BDKRB2: variants seen among roughly 807,000 people sequenced by gnomAD.
BDKRB2 encodes bradykinin receptor B2, also known as B2 bradykinin receptor.
A neutral mutation model predicts 4.0 loss-of-function variants in BDKRB2; 6 were observed. The ratio of observed to expected loss-of-function variants is 1.49; its 90% CI spans 0.81 to 2.93. The LOEUF (loss-of-function observed/expected upper bound fraction) is 2.93. BDKRB2 is among the 30% of genes most tolerant of loss of function. The pLI is 0.00. For synonymous variants in BDKRB2, 225 were observed against 215.3 expected (o/e 1.05, Z -0.40); for missense variants, 478 against 520.1 (o/e 0.92, Z 0.79).
Position 96,237,190 on chromosome 14 carries a change from A to G in BDKRB2, c.74+9A>G, listed in dbSNP as rs1426582411. 5 of 1,609,798 alleles carry G rather than the reference A, an allele frequency of 3.1e-6. No individual in the cohort carries two copies. The highest frequency in any genetic ancestry group is 3.4e-6 in the Non-Finnish European group (4 of 1,176,136). On this transcript the variant is annotated intron_variant, in intron 2 of 2. Coordinates refer to ENST00000554311, the MANE Select transcript of BDKRB2 (RefSeq NM_001379692.1). ...ACCACGGCCTCTTTCAGGTGAGTCAAAGGGATTCCTCAGTTCACTAGTTAG... is the reference window on the plus strand; with the variant it reads ...ACCACGGCCTCTTTCAGGTGAGTCAGAGGGATTCCTCAGTTCACTAGTTAG...
intron 1 of BDKRB2, among the ~76,000 whole-genome samples, chr14:96,211,795 A>C (rs559463480): frequency 1.3e-5 from 2 of 152,326 alleles, no homozygotes; most frequent in South Asian, 4.1e-4. Flanking sequence ...TTCAGCTATA[A>C]ATAGTAGTAG....
intron 1 of BDKRB2, among the ~76,000 whole-genome samples, chr14:96,217,975 G>A (rs1288910087): frequency 6.6e-6 from 1 of 152,020 alleles, no homozygotes; most frequent in Non-Finnish European, 1.5e-5. Flanking sequence ...CCCCACTTAC[G>A]AGCCTGTGAG....
Position 96,243,962 on chromosome 14 carries a change from A to C in BDKRB2, c.*2458A>C. ...TGCCGCAATGGCCATGTGGGGATCC[A>C]CACCTGGTCTGAGGGGCAACTGAGT... On this transcript the variant is annotated 3_prime_UTR_variant, in exon 3 of 3. Transcript: ENST00000554311. The C allele has an allele frequency of 2.6e-6, 1 of 383,146 alleles. No homozygotes were observed. Among genetic ancestry groups the C allele is most frequent in the Admixed American group, 4.5e-5 (1 of 22,192 alleles). The allele number at this position is 383,146 out of a possible 1,614,324, so 23.7% of individuals were successfully genotyped here.
intron 1 of BDKRB2, among the ~76,000 whole-genome samples, chr14:96,210,376 G>A (rs191182963): frequency 2.3e-3 from 351 of 152,290 alleles, no homozygotes; most frequent in Non-Finnish European, 3.5e-3. Context: ...TGTCCTTGAA[G>A]TGGAGAAAGC....
chr14:96,213,947 T>G (rs1306257434), intron 1 of BDKRB2, among the ~76,000 whole-genome samples: 1 of 151,744 alleles, frequency 6.6e-6, no homozygotes, highest in Non-Finnish European at 1.5e-5. Context: ...GGTCGAGAGG[T>G]GGGAACTCCC....
Position 96,240,913 on chromosome 14 carries a change from C to A in BDKRB2, c.585C>A (p.Phe195Leu), listed in dbSNP as rs747911761. 1.3e-6 allele frequency: 2 copies of A among 1,597,410 alleles called. No homozygotes were observed. The highest frequency in any genetic ancestry group is 8.5e-7 in the Non-Finnish European group (1 of 1,171,842). ...TCCTGAGCTCACCCATGCTGGTGTT[C>A]CGGACCATGAAGGAGTACAGCGATG... The part of the protein sequence containing the change: ...TLLLSSPMLV[F>L]RTMKEYSDEG... The change falls in exon 3 of 3, where the codon TTC becomes TTA. Residue 195 changes from phenylalanine (F) to leucine (L), a missense_variant. Transcript: ENST00000554311.
chr14:96,207,667 G>A (rs936162849), intron 1 of BDKRB2, among the ~76,000 whole-genome samples: 4 of 152,108 alleles, frequency 2.6e-5, no homozygotes, highest in African/African-American at 7.2e-5. Flanking sequence ...CTGCTCTTGT[G>A]GGGGATGTCA....
rs747273570 is a variant in BDKRB2, at chr14:96,241,376, G to A, written c.1048G>A (p.Val350Met). 1.9e-6 allele frequency: 3 copies of A among 1,613,734 alleles called. No individual in the cohort carries two copies. Among genetic ancestry groups the A allele is most frequent in the Non-Finnish European group, 2.5e-6 (3 of 1,180,010 alleles). Residue 350 changes from valine to methionine, a missense_variant, in exon 3 of 3, where the codon GTG becomes ATG. Physicochemically the swap from Val to Met is conservative, Grantham distance 21. Coordinates refer to ENST00000554311, the MANE Select transcript of BDKRB2 (RefSeq NM_001379692.1). ...RKKSWEVYQG[V>M]CQKGGCRSEP... ...GAAGTCTTGGGAGGTGTACCAGGGAGTGTGCCAGAAAGGGGGCTGCAGGTC... is the reference window on the plus strand; with the variant it reads ...GAAGTCTTGGGAGGTGTACCAGGGAATGTGCCAGAAAGGGGGCTGCAGGTC...
chr14:96,239,820 A>G lies in BDKRB2; in HGVS notation c.75-583A>G, dbSNP rs189379499. On this transcript the variant is annotated intron_variant, in intron 2 of 2. Transcript: ENST00000554311. ...TGCAAAGTCCCCACCCTCCCTCGCC[A>G]TCTGTATCCTCCAATCATCTTCAGT... 448 of 985,440 alleles carry G rather than the reference A, an allele frequency of 4.5e-4. 2 individuals carry two copies. In the African/African-American group the frequency reaches 7.3e-3, roughly 16 times the overall value. 61.0% of individuals were successfully genotyped at this position (985,440 alleles called of 1,614,324 possible).
chr14:96,219,016 T>TGGCACGGCCG (rs1890492408), intron 1 of BDKRB2, among the ~76,000 whole-genome samples: 1 of 151,716 alleles, frequency 6.6e-6, no homozygotes, highest in Non-Finnish European at 1.5e-5. Context: ...TGAACAGAGC[T>TGGCACGGCCG]GGCACGGCCG....
chr14:96,241,050 C>T lies in BDKRB2; in HGVS notation c.722C>T (p.Thr241Ile), dbSNP rs1185595154. ...VGFLLPLSVI[T>I]FCTMQIMQVL... The stretch of plus-strand genomic sequence containing the variant: ...TTCCTGCTGCCCCTGAGTGTCATCA[C>T]CTTCTGCACGATGCAGATCATGCAG... The change falls in exon 3 of 3, where the codon ACC (threonine) becomes ATC (isoleucine). Residue 241 changes from threonine to isoleucine, a missense_variant. Physicochemically the swap from Thr to Ile is moderately conservative, Grantham distance 89 (BLOSUM62 -1). Transcript: ENST00000554311. The T allele has an allele frequency of 1.2e-6, 2 of 1,613,346 alleles. No individual in the cohort carries two copies. Among genetic ancestry groups the T allele is most frequent in the Non-Finnish European group, 1.7e-6 (2 of 1,179,390 alleles).
Position 96,204,868 on chromosome 14 carries a change from AG to A in BDKRB2, c.-127del. The A allele has an allele frequency of 2.9e-6, 1 of 339,964 alleles. No individual in the cohort carries two copies. The highest frequency in any genetic ancestry group is 3.5e-5 in the Admixed American group (1 of 28,362). 21.1% of individuals were successfully genotyped at this position (339,964 alleles called of 1,614,324 possible). ...CAGCTCTGGCTTCTGGGCTCCGAGG[AG>A]GGGTGGGGACGGTGGGGACGGTGGG... On this transcript the variant is annotated 5_prime_UTR_variant, in exon 1 of 3. Coordinates refer to ENST00000554311, the MANE Select transcript of BDKRB2 (RefSeq NM_001379692.1).
At chr14:96,207,586 C>A (rs1255299889) in intron 1 of BDKRB2, among the ~76,000 whole-genome samples, 1 of 152,010 alleles carries the variant, frequency 6.6e-6, no homozygotes, top group African/African-American at 2.4e-5. Flanking sequence ...CAAGAGTGAA[C>A]CCTGATGAAA....
rs1885203190 is a variant in BDKRB2, at chr14:96,239,305, A to G, written c.75-1098A>G. ...GAAATGCAAAGCGATTCAGGATGAG[A>G]GCAATACCCTACTCCAAAGAAGGCA... is the stretch of plus-strand genomic sequence containing the variant. On this transcript the variant is annotated intron_variant, in intron 2 of 2. Transcript: ENST00000554311. The G allele has an allele frequency of 4.1e-6, 4 of 974,096 alleles. No homozygotes were observed. The South Asian group carries it at 1.4e-4, about 35-fold the overall frequency. The allele number at this position is 974,096 out of a possible 1,614,324, so 60.3% of individuals were successfully genotyped here.
intron 1 of BDKRB2, among the ~76,000 whole-genome samples, chr14:96,229,473 G>A (rs1351637531): frequency 1.3e-5 from 2 of 152,184 alleles, no homozygotes; most frequent in African/African-American, 4.8e-5. Context: ...TCTGCTCTAA[G>A]TCCTTTCAAC....
chr14:96,210,637 C>G (rs1239964858), intron 1 of BDKRB2, among the ~76,000 whole-genome samples: 2 of 152,140 alleles, frequency 1.3e-5, no homozygotes, highest in Non-Finnish European at 2.9e-5. Flanking sequence ...ATATCCGAGG[C>G]CTTTTCCTTT....
At chr14:96,237,840 A>G in intron 2 of BDKRB2, 1 of 1,289,764 alleles carries the variant, frequency 7.8e-7, no homozygotes, top group East Asian at 5.6e-5. Flanking sequence ...TCTCAGAGCC[A>G]GGGATGGGCC....
At chr14:96,206,672 C>T (rs1348629926) in intron 1 of BDKRB2, among the ~76,000 whole-genome samples, 1 of 152,124 alleles carries the variant, frequency 6.6e-6, no homozygotes, top group East Asian at 1.9e-4. Flanking sequence ...GGCTCAGTAA[C>T]AAGTTTGGTG....
chr14:96,205,445 G>A (rs893131747), intron 1 of BDKRB2, among the ~76,000 whole-genome samples: 15 of 150,994 alleles, frequency 9.9e-5, no homozygotes, highest in African/African-American at 2.9e-4. Flanking sequence ...CAGCCAGCTC[G>A]CTGGCTCCCT....
Sources: allele counts gnomAD v4.1 joint callset (sites outside exome capture counted in the v4.1 genomes callset), GRCh38; gene constraint gnomAD v4.1.1; transcripts MANE v1.5; gene names NCBI Gene and HGNC (gene_info 2026-07-23, HGNC 2026-07-21).